Variants in RAD54B observed in about 807,000 individuals in gnomAD.
RAD54B encodes the protein RAD54 homolog B.
Under a neutral mutation model 95.8 loss-of-function variants are expected in RAD54B, and 78 were observed. The ratio of observed to expected loss-of-function variants is 0.81; its 90% CI spans 0.68 to 0.98. The LOEUF is 0.98. RAD54B is among the 50% of genes least tolerant of loss of function. The pLI is 0.00. For synonymous variants in RAD54B, 328 were observed against 354.9 expected, an observed-to-expected ratio of 0.92 and a Z score of 0.85; for missense variants, 957 against 1,056.6, an observed-to-expected ratio of 0.91 and a Z score of 1.31.
At chr8:94,384,537 AAACTGAAAT>A (rs1810824144) in intron 11 of RAD54B, among the ~76,000 whole-genome samples, 2 of 5,518 alleles carry the variant, frequency 3.6e-4, no homozygotes, top group Non-Finnish European at 8.2e-3. Context: ...TTTGTTTGCA[AAACTGAAAT>A]AGTATTTCAG....
At chr8:94,446,099 G>A (rs1812513888) in intron 3 of RAD54B, among the ~76,000 whole-genome samples, 3 of 152,068 alleles carry the variant, frequency 2.0e-5, no homozygotes, top group African/African-American at 2.4e-5. Flanking sequence ...AGCAAGTAGT[G>A]TATTTTAAAG....
At chr8:94,461,820 A>C (rs927168394) in intron 2 of RAD54B, among the ~76,000 whole-genome samples, 2 of 152,042 alleles carry the variant, frequency 1.3e-5, no homozygotes, top group Non-Finnish European at 2.9e-5. Flanking sequence ...GTTTCCAAAG[A>C]CTCTCTTCCA....
intron 3 of RAD54B, among the ~76,000 whole-genome samples, chr8:94,454,371 A>G (rs573133431): frequency 1.3e-5 from 2 of 152,348 alleles, no homozygotes; most frequent in East Asian, 3.9e-4. Flanking sequence ...AACATTGTAA[A>G]TATGCTAAAT....
chr8:94,458,444 A>G lies in RAD54B; in HGVS notation c.136-8T>C. 1 of 1,540,410 alleles carries G rather than the reference A, an allele frequency of 6.5e-7. No homozygotes were observed. The highest frequency in any genetic ancestry group is 8.7e-7 in the Non-Finnish European group (1 of 1,147,608). On this transcript the variant is annotated splice_region_variant and splice_polypyrimidine_tract_variant and intron_variant, in intron 2 of 14. Coordinates refer to ENST00000336148, the MANE Select transcript of RAD54B (RefSeq NM_012415.3). ...GTTATTAATTGCAACACCCTAAAAG[A>G]AACAAATATATATTTAAATCAGAAC...
At chr8:94,385,148 C>G (rs1205484108) in intron 11 of RAD54B, among the ~76,000 whole-genome samples, 1 of 152,102 alleles carries the variant, frequency 6.6e-6, no homozygotes, top group East Asian at 1.9e-4. Flanking sequence ...CCAAATATTA[C>G]TTTTATTTTT....
intron 1 of RAD54B, among the ~76,000 whole-genome samples, chr8:94,468,557 G>A (rs889802655): frequency 2.6e-5 from 4 of 152,022 alleles, no homozygotes; most frequent in South Asian, 4.2e-4. Flanking sequence ...CGAGCACGGT[G>A]GCTCATGCCT....
intron 8 of RAD54B, among the ~76,000 whole-genome samples, chr8:94,398,726 AAGATG>A (rs1811200747): frequency 6.6e-6 from 1 of 152,068 alleles, no homozygotes; most frequent in Non-Finnish European, 1.5e-5. Flanking sequence ...ATACAAGACC[AAGATG>A]AGATATGGGA....
intron 6 of RAD54B, among the ~76,000 whole-genome samples, chr8:94,403,764 C>T (rs1811316917): frequency 6.6e-6 from 1 of 151,980 alleles, no homozygotes; most frequent in Non-Finnish European, 1.5e-5. Flanking sequence ...AGTCGGTAAG[C>T]TTTTATTATA....
chr8:94,461,544 A>AT (rs1008376037), intron 2 of RAD54B, among the ~76,000 whole-genome samples: 6 of 151,992 alleles, frequency 3.9e-5, no homozygotes, highest in African/African-American at 1.4e-4. Context: ...TTTTTTTTAT[A>AT]TTTTTTATAT....
At chr8:94,374,884 G>C (rs1810530525) in intron 14 of RAD54B, among the ~76,000 whole-genome samples, 1 of 152,124 alleles carries the variant, frequency 6.6e-6, no homozygotes, top group South Asian at 2.1e-4. Flanking sequence ...AATATGAAGA[G>C]ATGGTTCACA....
At chr8:94,433,199 C>T (rs896199700) in intron 3 of RAD54B, among the ~76,000 whole-genome samples, 2 of 152,098 alleles carry the variant, frequency 1.3e-5, no homozygotes, top group African/African-American at 4.8e-5. Context: ...TTGTATATGG[C>T]TTTGGGATAT....
At chr8:94,403,982 G>C in intron 6 of RAD54B, 95 bp downstream of exon 6, 1 of 970,708 alleles carries the variant, frequency 1.0e-6, no homozygotes, top group Non-Finnish European at 1.5e-6. Context: ...GTACCCTCAG[G>C]ACTCATTATA....
chr8:94,397,896 T>C (rs1041731787), intron 8 of RAD54B, among the ~76,000 whole-genome samples: 1 of 152,088 alleles, frequency 6.6e-6, no homozygotes, highest in Non-Finnish European at 1.5e-5. Context: ...ATTTTTTTTT[T>C]CATTACTTTT....
At chr8:94,373,444 A>G (rs1810489151) in intron 14 of RAD54B, among the ~76,000 whole-genome samples, 1 of 152,180 alleles carries the variant, frequency 6.6e-6, no homozygotes, top group Non-Finnish European at 1.5e-5. Context: ...CCAGGTCTGA[A>G]CTATAAACAT....
rs202169599 is a variant in RAD54B at position 94,399,719 on chromosome 8, A to AT, written c.1171-99_1171-98insA. ...CTGACAGTCACTTACTAAGAACTGG[A>AT]ATGTGTTAACTCTTTCTGTCTTAGT... On this transcript the variant is annotated intron_variant, in intron 7 of 14. Coordinates refer to ENST00000336148, the MANE Select transcript of RAD54B (RefSeq NM_012415.3). 2,007 of 1,411,480 alleles carry AT rather than the reference A, an allele frequency of 1.4e-3. 19 individuals are homozygous for AT. In the African/African-American group the frequency reaches 0.026, roughly 18 times the overall value. The allele number at this position is 1,411,480 out of a possible 1,614,324, so 87.4% of individuals were successfully genotyped here. A position where few individuals can be genotyped will look rare whatever the true frequency, so the allele number is the denominator to read the frequency against.
intron 2 of RAD54B, among the ~76,000 whole-genome samples, chr8:94,460,580 A>G (rs921497565): frequency 6.6e-6 from 1 of 152,164 alleles, no homozygotes; most frequent in Non-Finnish European, 1.5e-5. Context: ...TTGTATATGT[A>G]TGGGTTTTCT....
chr8:94,372,336 T>C lies in RAD54B; in HGVS notation c.2567A>G (p.His856Arg), dbSNP rs765323516. 6 of 1,613,694 alleles carry C rather than the reference T, an allele frequency of 3.7e-6. No individual in the cohort carries two copies. The African/African-American group carries it at 5.3e-5, about 14-fold the overall frequency. Residue 856 changes from histidine to arginine, a missense_variant, in exon 15 of 15, where the codon CAT becomes CGT. Transcript: ENST00000336148. ...IVSRDCQLGP[H>R]HQKSNSLKPL... Reference sequence around the variant, plus strand: ...TTTCAGGGAGTTAGATTTCTGGTGATGTGGACCAAGCTGACAATCTCTAGA... The same window carrying C: ...TTTCAGGGAGTTAGATTTCTGGTGACGTGGACCAAGCTGACAATCTCTAGA...
intron 11 of RAD54B, among the ~76,000 whole-genome samples, chr8:94,386,309 T>C (rs1405795338): frequency 6.6e-6 from 1 of 152,146 alleles, no homozygotes; most frequent in Non-Finnish European, 1.5e-5. Context: ...TGCATTATGG[T>C]ACCAAGGAAT....
intron 4 of RAD54B, among the ~76,000 whole-genome samples, chr8:94,410,252 T>C (rs141912559): frequency 1.4e-3 from 216 of 152,328 alleles, no homozygotes; most frequent in Middle Eastern, 6.8e-3. Flanking sequence ...CCTGTGCAGA[T>C]TAAATGGTTC....
Sources: allele counts gnomAD v4.1 joint callset (sites outside exome capture counted in the v4.1 genomes callset), GRCh38; gene constraint gnomAD v4.1.1; transcripts MANE v1.5; gene names NCBI Gene and HGNC (gene_info 2026-07-23, HGNC 2026-07-21).